TTC17: variants seen among roughly 807,000 people sequenced by gnomAD.
TTC17 encodes tetratricopeptide repeat domain 17.
TTC17 carries 58 observed loss-of-function variants against 143.8 expected under a neutral mutation model. The ratio of observed to expected loss-of-function variants is 0.40; its 90% CI spans 0.33 to 0.50. The LOEUF is 0.50. Ranked by LOEUF, TTC17 falls within the 20% of genes least tolerant of loss-of-function variation. TTC17 has a pLI of 0.49. For synonymous variants in TTC17, 501 were observed against 497.8 expected, an observed-to-expected ratio of 1.01 and a Z score of -0.09; for missense variants, 1,273 against 1,392.5, an observed-to-expected ratio of 0.91 and a Z score of 1.37.
Position 43,398,025 on chromosome 11 carries a change from G to T in TTC17, c.970G>T (p.Ala324Ser), listed in dbSNP as rs1857691636. The change falls in exon 8 of 24, where the codon GCC (alanine) becomes TCC (serine). Residue 324 changes from alanine (A) to serine (S), a missense_variant. Around this residue, in one of 3 missense-constraint regions of TTC17, gnomAD observed 325 missense variants for 444.2 expected, o/e 0.73. Coordinates refer to ENST00000039989, the MANE Select transcript of TTC17 (RefSeq NM_018259.6). Reference protein sequence around the residue: ...SVLCYDHALQARPGFEQAIKR... With the variant: ...SVLCYDHALQSRPGFEQAIKR... Reference sequence around the variant, plus strand: ...GCTCTGTTATGACCACGCTTTGCAGGCCAGACCTGGGTTTGAGCAAGCTAT... The same window carrying T: ...GCTCTGTTATGACCACGCTTTGCAGTCCAGACCTGGGTTTGAGCAAGCTAT... 1 of 1,613,580 alleles carries T rather than the reference G, an allele frequency of 6.2e-7. No homozygotes were observed. The highest frequency in any genetic ancestry group is 8.5e-7 in the Non-Finnish European group (1 of 1,179,890).
At chr11:43,399,385 C>CTATTA (rs1174307543) in intron 8 of TTC17, among the ~76,000 whole-genome samples, 1 of 152,074 alleles carries the variant, frequency 6.6e-6, no homozygotes, top group Non-Finnish European at 1.5e-5. Flanking sequence ...AGTTGTATTG[C>CTATTA]CAGGTGTCAT....
In TTC17 at chr11:43,397,491, A is replaced by G; in HGVS notation, c.918A>G (p.Ala306=). The G allele has an allele frequency of 1.2e-6, 2 of 1,607,088 alleles. No individual in the cohort carries two copies. Among genetic ancestry groups the G allele is most frequent in the South Asian group, 1.1e-5 (1 of 90,708 alleles). The change falls in exon 7 of 24, where the codon GCA becomes GCG. Residue 306 remains alanine, a splice_region_variant and synonymous_variant. Transcript: ENST00000039989. ...TSYYTLGNIY[A]MLGEYNHSVL... is the part of the protein sequence containing the mutation. Reference sequence around the variant, plus strand: ...ATTACACTTTGGGGAATATATATGCAGTAAGTACTACTCTTTGTTTCATGA... The same window carrying G: ...ATTACACTTTGGGGAATATATATGCGGTAAGTACTACTCTTTGTTTCATGA...
chr11:43,493,847 C>G lies in TTC17; in HGVS notation c.3369C>G (p.Asn1123Lys), dbSNP rs1036670588. ...KLQPEFVPAK[N>K]RIQTIQCHLM... ...AGCCCGAGTTTGTCCCAGCCAAGAACCGAATCCAGACCATCCAGTGTCACT... is the reference window on the plus strand; with the variant it reads ...AGCCCGAGTTTGTCCCAGCCAAGAAGCGAATCCAGACCATCCAGTGTCACT... The change falls in exon 24 of 24, where the codon AAC becomes AAG. Residue 1123 changes from asparagine to lysine, a missense_variant. By Grantham distance (94) the Asn-to-Lys change is moderately conservative (BLOSUM62 0). This residue lies in a region of TTC17 where 878 missense variants were observed against 899.8 expected (regional missense o/e 0.98). Transcript: ENST00000039989. The G allele has an allele frequency of 6.2e-7, 1 of 1,614,070 alleles. No homozygotes were observed.
intron 21 of TTC17, among the ~76,000 whole-genome samples, chr11:43,458,839 ACTT>A (rs1357238078): frequency 6.6e-6 from 1 of 151,926 alleles, no homozygotes; most frequent in Non-Finnish European, 1.5e-5. Flanking sequence ...CATCCACACA[ACTT>A]CTATTACAGT....
intron 1 of TTC17, among the ~76,000 whole-genome samples, chr11:43,367,317 G>A (rs751483566): frequency 6.6e-6 from 1 of 152,148 alleles, no homozygotes; most frequent in Non-Finnish European, 1.5e-5. Context: ...AATCATCCTC[G>A]CTGTCTTTGT....
intron 2 of TTC17, among the ~76,000 whole-genome samples, chr11:43,388,480 T>G (rs1857251729): frequency 6.6e-6 from 1 of 151,242 alleles, no homozygotes; most frequent in Non-Finnish European, 1.5e-5. Context: ...AGATTAATTA[T>G]AAGAAGTTAG....
intron 16 of TTC17, among the ~76,000 whole-genome samples, chr11:43,423,974 C>T (rs758387649): frequency 6.6e-6 from 1 of 151,954 alleles, no homozygotes; most frequent in Non-Finnish European, 1.5e-5. Context: ...AATTGAATTA[C>T]TTTTAGAGCT....
In TTC17 at chr11:43,389,828, A is replaced by C; in HGVS notation, c.419+7A>C. The C allele has an allele frequency of 1.9e-6, 3 of 1,571,066 alleles. No individual in the cohort carries two copies. The highest frequency in any genetic ancestry group is 2.6e-6 in the Non-Finnish European group (3 of 1,163,170). On this transcript the variant is annotated splice_region_variant and intron_variant, in intron 3 of 23. Coordinates refer to ENST00000039989, the MANE Select transcript of TTC17 (RefSeq NM_018259.6). ...TGGAGAGCAAAGACATCAGGTAAAG[A>C]AGTTCTCTTTCCAAAAATAAAATTG...
At chr11:43,461,999 C>T (rs1336777873) in intron 21 of TTC17, among the ~76,000 whole-genome samples, 5 of 143,760 alleles carry the variant, frequency 3.5e-5, no homozygotes, top group South Asian at 2.4e-4. Flanking sequence ...AAGTAGAGCA[C>T]AAATAGTACA....
At chr11:43,373,947 G>T (rs1012480821) in intron 1 of TTC17, among the ~76,000 whole-genome samples, 1 of 152,134 alleles carries the variant, frequency 6.6e-6, no homozygotes, top group African/African-American at 2.4e-5. Context: ...TGCATATTTT[G>T]TTTCTGATCT....
Position 43,430,709 on chromosome 11 carries a change from G to GCACACACACACACACA in TTC17, c.2252-12591_2252-12576dup, listed in dbSNP as rs10658685. Reference sequence around the variant, plus strand: ...TGCCCCCAGCATCCCCTACATACACGCACACACACACACACACACACACAC... The same window carrying GCACACACACACACACA: ...TGCCCCCAGCATCCCCTACATACACGCACACACACACACACACACACACACACACACACACACACAC... On this transcript the variant is annotated intron_variant, in intron 16 of 23. Transcript: ENST00000039989. 3.6e-3 allele frequency among the ~76,000 whole-genome samples: 494 copies of GCACACACACACACACA among 138,516 alleles called. 4 individuals are homozygous for GCACACACACACACACA. The highest frequency in any genetic ancestry group is 4.3e-3 in the African/African-American group (157 of 36,608). The allele number at this position is 138,516 out of a possible 152,430, so 90.9% of individuals were successfully genotyped here. A position where few individuals can be genotyped will look rare whatever the true frequency, so the allele number is the denominator to read the frequency against.
chr11:43,480,784 AAT>A (rs1948270816), intron 21 of TTC17, among the ~76,000 whole-genome samples: 1 of 152,052 alleles, frequency 6.6e-6, no homozygotes, highest in African/African-American at 2.4e-5. Flanking sequence ...TTTACAGTAA[AAT>A]TTAAGGGTAT....
At chr11:43,486,434 G>A (rs960375538) in intron 21 of TTC17, 5 of 452,406 alleles carry the variant, frequency 1.1e-5, no homozygotes, top group Non-Finnish European at 1.3e-5. Flanking sequence ...CGCGGGTCTT[G>A]GAATGTATCC....
intron 1 of TTC17, among the ~76,000 whole-genome samples, chr11:43,362,149 T>TTGTGTGTGTGTG (rs3978779): frequency 1.1e-4 from 15 of 138,054 alleles, no homozygotes; most frequent in African/African-American, 3.1e-4. Flanking sequence ...CCCGGCTAAT[T>TTGTGTGTGTGTG]TGTGTGTGTG....
chr11:43,415,587 G>C (rs570145683), intron 16 of TTC17, among the ~76,000 whole-genome samples: 1 of 152,186 alleles, frequency 6.6e-6, no homozygotes, highest in African/African-American at 2.4e-5. Flanking sequence ...TATTAGTTCA[G>C]CTCCTTCACT....
At chr11:43,480,514 A>G (rs1386422966) in intron 21 of TTC17, among the ~76,000 whole-genome samples, 1 of 152,236 alleles carries the variant, frequency 6.6e-6, no homozygotes, top group East Asian at 1.9e-4. Context: ...AAAATTTTTT[A>G]TATGATGGCT....
Position 43,493,988 on chromosome 11 carries a change from C to T in TTC17, c.*84C>T. The stretch of plus-strand genomic sequence containing the variant: ...AGAAACCAATCATTGTCAGTATCTA[C>T]TATTAATGATGTGTGTGAAAATAAC... On this transcript the variant is annotated 3_prime_UTR_variant, in exon 24 of 24. Transcript: ENST00000039989. The T allele has an allele frequency of 6.8e-7, 1 of 1,464,264 alleles. No individual in the cohort carries two copies. Among genetic ancestry groups the T allele is most frequent in the Admixed American group, 2.3e-5 (1 of 43,220 alleles). The allele number at this position is 1,464,264 out of a possible 1,614,324, so 90.7% of individuals were successfully genotyped here. A position where few individuals can be genotyped will look rare whatever the true frequency, so the allele number is the denominator to read the frequency against.
intron 5 of TTC17, 50 bp from the exon 6 acceptor site, chr11:43,396,659 A>G (rs903770153): frequency 5.3e-6 from 6 of 1,137,126 alleles, no homozygotes; most frequent in Non-Finnish European, 7.5e-6. Flanking sequence ...GAGTATTCTA[A>G]GTTAAACTGT....
intron 21 of TTC17, among the ~76,000 whole-genome samples, chr11:43,479,266 A>G (rs1246225597): frequency 6.6e-6 from 1 of 151,580 alleles, no homozygotes; most frequent in Non-Finnish European, 1.5e-5. Flanking sequence ...AAGTTCCTTT[A>G]TTTTTGTATA....
Sources: allele counts gnomAD v4.1 joint callset (sites outside exome capture counted in the v4.1 genomes callset), GRCh38; gene constraint gnomAD v4.1.1; regional missense constraint gnomAD v4.1.1; transcripts MANE v1.5; gene names NCBI Gene and HGNC (gene_info 2026-07-23, HGNC 2026-07-21).